Variants in PSMD14 observed in about 807,000 individuals in gnomAD.
PSMD14 encodes ubiquitin C-terminal hydrolase PSMD14.
Under a neutral mutation model 41.2 loss-of-function variants are expected in PSMD14, and 7 were observed. The observed-to-expected ratio is 0.17, with a 90% CI of 0.10 to 0.32. The LOEUF is 0.32. PSMD14 is among the 10% of genes least tolerant of loss of function. The pLI, the probability that PSMD14 is intolerant of heterozygous loss-of-function variation, is 1.00. For missense variants in PSMD14, 139 were observed against 375.6 expected (o/e 0.37, Z 5.21); for synonymous variants, 114 against 122.3 (o/e 0.93, Z 0.45).
chr2:161,326,447 A>T (rs556042363), intron 3 of PSMD14, among the ~76,000 whole-genome samples: 30 of 152,340 alleles, frequency 2.0e-4, no homozygotes, highest in South Asian at 1.7e-3. Context: ...ACTCTTGTAC[A>T]TTGATGGTAG....
intron 7 of PSMD14, among the ~76,000 whole-genome samples, chr2:161,378,088 A>G (rs1574135680): frequency 6.6e-6 from 1 of 151,894 alleles, no homozygotes; most frequent in East Asian, 1.9e-4. Context: ...CCTGGGACTT[A>G]GTTTTGTCAG....
At chr2:161,376,306 A>G (rs1233959314) in intron 7 of PSMD14, among the ~76,000 whole-genome samples, 2 of 151,792 alleles carry the variant, frequency 1.3e-5, no homozygotes, top group Admixed American at 6.6e-5. Context: ...ATTTCATAGC[A>G]TTATGACTAT....
intron 11 of PSMD14, among the ~76,000 whole-genome samples, 189 bp from the exon 12 acceptor site, chr2:161,411,113 A>G (rs1481984983): frequency 6.6e-6 from 1 of 152,120 alleles, no homozygotes; most frequent in African/African-American, 2.4e-5. Context: ...CTATTATTTT[A>G]TTAGCTACTT....
At chr2:161,357,822 C>T (rs945656584) in intron 3 of PSMD14, among the ~76,000 whole-genome samples, 3 of 150,898 alleles carry the variant, frequency 2.0e-5, no homozygotes, top group East Asian at 1.9e-4. Flanking sequence ...CTGGTGCCTT[C>T]GTTTATTCTA....
At chr2:161,387,262 C>G (rs1247652410) in intron 8 of PSMD14, among the ~76,000 whole-genome samples, 1 of 151,958 alleles carries the variant, frequency 6.6e-6, no homozygotes, top group Non-Finnish European at 1.5e-5. Flanking sequence ...TCTTATTTTT[C>G]TAAGACAAGC....
At chr2:161,403,774 A>G (rs970924224) in intron 10 of PSMD14, among the ~76,000 whole-genome samples, 36 of 151,822 alleles carry the variant, frequency 2.4e-4, no homozygotes, top group Middle Eastern at 3.4e-3. Flanking sequence ...CTATATTCCC[A>G]TCCCCACTCC....
chr2:161,313,357 T>TTA (rs1559035688), intron 1 of PSMD14, among the ~76,000 whole-genome samples: 5 of 152,068 alleles, frequency 3.3e-5, no homozygotes, highest in Admixed American at 1.3e-4. Context: ...TTAATTAATT[T>TTA]ATTTATTTTT....
chr2:161,340,763 T>C, intron 3 of PSMD14: 1 of 1,611,906 alleles, frequency 6.2e-7, no homozygotes, highest in South Asian at 1.1e-5. Context: ...CTCTCAAGCT[T>C]TTAAGATGCC....
At chr2:161,396,862 C>T (rs1574141540) in intron 10 of PSMD14, among the ~76,000 whole-genome samples, 1 of 152,230 alleles carries the variant, frequency 6.6e-6, no homozygotes, top group African/African-American at 2.4e-5. Context: ...GAATCTCACT[C>T]TGTCACCCAG....
At chr2:161,365,656 CCT>C (rs1259127215) in intron 3 of PSMD14, among the ~76,000 whole-genome samples, 1 of 151,952 alleles carries the variant, frequency 6.6e-6, no homozygotes, top group Non-Finnish European at 1.5e-5. Flanking sequence ...TGTTCGTTAA[CCT>C]ATTTTTCTAC....
rs114186763 is a variant in PSMD14 at position 161,397,537 on chromosome 2, G to T, written c.771+2334G>T. On this transcript the variant is annotated intron_variant, in intron 10 of 11. Transcript: ENST00000409682. ...TAGAATGTGGGACTAGGAATTAATG[G>T]TAAAGGCTAGAGCTCAAGATTTCAG... Among the ~76,000 whole-genome samples, 1,366 of 152,272 alleles carry T rather than the reference G, an allele frequency of 9.0e-3. 21 individuals are homozygous for T. Among genetic ancestry groups the T allele is most frequent in the African/African-American group, 0.031 (1,296 of 41,538 alleles).
At chr2:161,357,114 A>G (rs1186971916) in intron 3 of PSMD14, among the ~76,000 whole-genome samples, 3 of 114,496 alleles carry the variant, frequency 2.6e-5, no homozygotes, top group African/African-American at 7.2e-5. Context: ...AGGGCTACCC[A>G]TGTAAAAGTC....
At chr2:161,387,834 C>T (rs1488507603) in intron 8 of PSMD14, among the ~76,000 whole-genome samples, 3 of 151,960 alleles carry the variant, frequency 2.0e-5, no homozygotes, top group South Asian at 4.2e-4. Context: ...TACTACTTGA[C>T]AGTGTTGAAA....
chr2:161,398,027 C>T (rs1444551457), intron 10 of PSMD14, among the ~76,000 whole-genome samples: 2 of 152,108 alleles, frequency 1.3e-5, no homozygotes, highest in Non-Finnish European at 2.9e-5. Flanking sequence ...TGTATTGGTA[C>T]TACTGCCAGG....
intron 1 of PSMD14, among the ~76,000 whole-genome samples, chr2:161,316,137 C>G (rs1388812697): frequency 6.6e-6 from 1 of 152,134 alleles, no homozygotes; most frequent in Non-Finnish European, 1.5e-5. Flanking sequence ...AGCCACTGCG[C>G]CCAGCCTGTT....
rs929623824 is a variant in PSMD14 at position 161,385,237 on chromosome 2, C to A, written c.463-227C>A. 3 of 319,120 alleles carry A rather than the reference C, an allele frequency of 9.4e-6. No homozygotes were observed. The Admixed American group carries it at 1.4e-4, about 15-fold the overall frequency. 19.8% of individuals were successfully genotyped at this position (319,120 alleles called of 1,614,324 possible). A position where few individuals can be genotyped will look rare whatever the true frequency, so the allele number is the denominator to read the frequency against. On this transcript the variant is annotated intron_variant, in intron 7 of 11. Transcript: ENST00000409682. ...GATGCAAAGTTAATTTTTTTCTTTA[C>A]TGCTTCATGAAAATTGCAATAATTG...
chr2:161,310,467 A>G (rs1244345721), intron 1 of PSMD14, among the ~76,000 whole-genome samples: 1 of 152,164 alleles, frequency 6.6e-6, no homozygotes. Flanking sequence ...GGAACTTGTC[A>G]TATTCCCTGT....
intron 7 of PSMD14, among the ~76,000 whole-genome samples, chr2:161,372,782 T>C (rs1683454643): frequency 6.6e-6 from 1 of 151,978 alleles, no homozygotes; most frequent in African/African-American, 2.4e-5. Context: ...AAGTAATTCA[T>C]TTAAGTAATG....
intron 9 of PSMD14, 68 bp downstream of exon 9, chr2:161,391,246 T>G: frequency 2.1e-6 from 3 of 1,403,972 alleles, no homozygotes; most frequent in Non-Finnish European, 2.8e-6. Flanking sequence ...TATTACCTGG[T>G]ATGTGATTTA....
Sources: allele counts gnomAD v4.1 joint callset (sites outside exome capture counted in the v4.1 genomes callset), GRCh38; gene constraint gnomAD v4.1.1; transcripts MANE v1.5; gene names NCBI Gene and HGNC (gene_info 2026-07-23, HGNC 2026-07-21).